ASTN2: variants seen among roughly 807,000 people sequenced by gnomAD.
The protein encoded by ASTN2 is astrotactin 2.
A neutral mutation model predicts 139.8 loss-of-function variants in ASTN2; 54 were observed. The observed-to-expected ratio is 0.39, with a 90% CI of 0.31 to 0.48. The LOEUF is 0.48. Ranked by LOEUF, ASTN2 falls within the 20% of genes least tolerant of loss-of-function variation. The pLI is 0.95. For missense variants in ASTN2, 1,565 were observed against 1,725.1 expected (o/e 0.91, Z 1.64); for synonymous variants, 756 against 719.5 (o/e 1.05, Z -0.81).
intron 19 of ASTN2, among the ~76,000 whole-genome samples, chr9:116,574,830 G>T (rs570185718): frequency 2.6e-5 from 4 of 152,302 alleles, no homozygotes; most frequent in Admixed American, 1.3e-4. Context: ...ACCCCATGAT[G>T]TTATTCCTTT....
At chr9:117,198,486 T>C (rs929201599) in intron 3 of ASTN2, among the ~76,000 whole-genome samples, 4 of 152,202 alleles carry the variant, frequency 2.6e-5, no homozygotes, top group African/African-American at 4.8e-5. Flanking sequence ...TAGGTATATA[T>C]GTGCCATGGT....
At chr9:117,219,515 T>A (rs1427054441) in intron 2 of ASTN2, among the ~76,000 whole-genome samples, 3 of 152,300 alleles carry the variant, frequency 2.0e-5, no homozygotes, top group African/African-American at 7.2e-5. Flanking sequence ...TCAGGGACGA[T>A]CTGATGCCAA....
chr9:116,941,222 C>T (rs1264649436), intron 10 of ASTN2, among the ~76,000 whole-genome samples: 2 of 151,958 alleles, frequency 1.3e-5, no homozygotes, highest in African/African-American at 4.8e-5. Context: ...TATTGTTTAG[C>T]ATGGTATTTG....
chr9:116,682,606 G>A (rs1406858414), intron 16 of ASTN2, among the ~76,000 whole-genome samples: 4 of 152,108 alleles, frequency 2.6e-5, no homozygotes, highest in African/African-American at 9.7e-5. Flanking sequence ...ATTCACAATA[G>A]CAAAGACTTG....
chr9:117,412,708 C>T (rs1831202343), intron 1 of ASTN2, among the ~76,000 whole-genome samples: 1 of 152,156 alleles, frequency 6.6e-6, no homozygotes, highest in Admixed American at 6.5e-5. Context: ...CCCCTCATCT[C>T]TCAGAGTACC....
Position 116,820,788 on chromosome 9 carries a change from T to A in ASTN2, c.2041-5A>T, listed in dbSNP as rs370975848. The stretch of plus-strand genomic sequence containing the variant: ...GGGTTTCAGCTCCTCAGGGCACTGC[T>A]CAGAGAGAGGGCAACAGGGTAGTTA... On this transcript the variant is annotated splice_region_variant and splice_polypyrimidine_tract_variant and intron_variant, in intron 11 of 22. Transcript: ENST00000313400. 4.6e-5 allele frequency: 74 copies of A among 1,610,858 alleles called. No homozygotes were observed. The highest frequency in any genetic ancestry group is 6.1e-5 in the Non-Finnish European group (72 of 1,177,992).
chr9:117,226,853 C>T (rs563297546), intron 2 of ASTN2, among the ~76,000 whole-genome samples: 3 of 152,276 alleles, frequency 2.0e-5, no homozygotes, highest in South Asian at 4.1e-4. Flanking sequence ...TTGCTCAGTA[C>T]ATTATTCCCT....
At chr9:116,652,834 A>G (rs964183216) in intron 16 of ASTN2, among the ~76,000 whole-genome samples, 5 of 152,020 alleles carry the variant, frequency 3.3e-5, no homozygotes, top group African/African-American at 7.3e-5. Context: ...TGACTTATGC[A>G]TGCTTCATTA....
At chr9:117,383,696 T>C (rs1830326418) in intron 1 of ASTN2, among the ~76,000 whole-genome samples, 1 of 152,038 alleles carries the variant, frequency 6.6e-6, no homozygotes, top group African/African-American at 2.4e-5. Flanking sequence ...AAAATATATA[T>C]ATTTAACAAG....
chr9:116,593,098 G>A (rs1312566105), intron 19 of ASTN2, among the ~76,000 whole-genome samples: 1 of 152,240 alleles, frequency 6.6e-6, no homozygotes, highest in Non-Finnish European at 1.5e-5. Context: ...CAGCTCTTGA[G>A]TGAAGGAACA....
At chr9:117,270,486 T>C (rs1834038115) in intron 2 of ASTN2, among the ~76,000 whole-genome samples, 1 of 152,220 alleles carries the variant, frequency 6.6e-6, no homozygotes, top group Admixed American at 6.5e-5. Flanking sequence ...AAATGGCCCT[T>C]GTGCCTCTAA....
At chr9:116,649,652 C>G (rs1857796629) in intron 17 of ASTN2, among the ~76,000 whole-genome samples, 1 of 151,702 alleles carries the variant, frequency 6.6e-6, no homozygotes, top group African/African-American at 2.4e-5. Context: ...ACAGGTATCA[C>G]TACAGCTCAT....
intron 16 of ASTN2, chr9:116,687,201 G>A (rs1421081019): frequency 3.0e-6 from 3 of 1,015,238 alleles, no homozygotes; most frequent in East Asian, 1.8e-4. Flanking sequence ...GGGCCGCCTT[G>A]CCCCGCGCGC....
chr9:117,291,431 G>A lies in ASTN2; in HGVS notation c.525C>T (p.Val175=), dbSNP rs1834590074. 5.6e-6 allele frequency: 9 copies of A among 1,614,210 alleles called. No homozygotes were observed. In the Middle Eastern group the frequency reaches 5.0e-4, roughly 89 times the overall value. Residue 175 remains valine, a synonymous_variant, in exon 2 of 23, where the codon GTC becomes GTT. Coordinates refer to ENST00000313400, the MANE Select transcript of ASTN2 (RefSeq NM_001365068.1). The part of the protein sequence containing the change: ...WLENGTLYFH[V]SMSSSGQLAQ... The stretch of plus-strand genomic sequence containing the variant: ...CCAGCTGCCCGGAGCTGCTCATGGA[G>A]ACGTGGAAGTACAAGGTGCCATTCT...
At chr9:117,027,813 C>G (rs1838131979) in intron 6 of ASTN2, among the ~76,000 whole-genome samples, 1 of 152,264 alleles carries the variant, frequency 6.6e-6, no homozygotes, top group Admixed American at 6.5e-5. Flanking sequence ...CACATGTGAT[C>G]CCTGTGAGGG....
At chr9:117,235,661 C>T (rs1022250859) in intron 2 of ASTN2, among the ~76,000 whole-genome samples, 1 of 152,182 alleles carries the variant, frequency 6.6e-6, no homozygotes, top group African/African-American at 2.4e-5. Flanking sequence ...TATCACATGG[C>T]TGGGTCTAGG....
At chr9:116,770,630 C>CAAGATAAACAGT (rs1295482621) in intron 13 of ASTN2, among the ~76,000 whole-genome samples, 3 of 152,164 alleles carry the variant, frequency 2.0e-5, no homozygotes, top group Non-Finnish European at 4.4e-5. Context: ...TTTGCTTCTC[C>CAAGATAAACAGT]AAGATAAACA....
intron 2 of ASTN2, among the ~76,000 whole-genome samples, chr9:117,245,588 C>T (rs2133081591): frequency 6.6e-6 from 1 of 152,266 alleles, no homozygotes; most frequent in Middle Eastern, 3.4e-3. Flanking sequence ...AGGCTGGGTG[C>T]AGGGCCAGGA....
chr9:116,543,432 T>A (rs1237698372), intron 19 of ASTN2, among the ~76,000 whole-genome samples: 2 of 149,068 alleles, frequency 1.3e-5, no homozygotes, highest in Non-Finnish European at 3.0e-5. Flanking sequence ...AGTGACACCC[T>A]GTCTCAAAAA....
Sources: gnomAD v4.1 joint callset for allele counts (sites outside exome capture counted in the v4.1 genomes callset) on GRCh38, gnomAD v4.1.1 for gene constraint, MANE v1.5 for transcripts, NCBI Gene and HGNC (gene_info 2026-07-23, HGNC 2026-07-21) for gene names.